Variants in SLC47A1 observed in about 807,000 individuals in gnomAD.
SLC47A1 encodes the protein solute carrier family 47 member 1, also known as multidrug and toxin extrusion protein 1.
SLC47A1 carries 58 observed loss-of-function variants against 65.8 expected under a neutral mutation model. The observed-to-expected ratio is 0.88, with a 90% CI of 0.71 to 1.10. The LOEUF (loss-of-function observed/expected upper bound fraction) is 1.10. Among genes scored for constraint, SLC47A1 ranks in the 50% least tolerant of loss-of-function variants. The pLI is 0.00. For synonymous variants in SLC47A1, 285 were observed against 295.0 expected, an observed-to-expected ratio of 0.97 and a Z score of 0.35; for missense variants, 706 against 719.2, an observed-to-expected ratio of 0.98 and a Z score of 0.21.
intron 6 of SLC47A1, among the ~76,000 whole-genome samples, chr17:19,555,008 T>A (rs1157387067): frequency 2.6e-5 from 4 of 152,138 alleles, no homozygotes; most frequent in Non-Finnish European, 5.9e-5. Flanking sequence ...CTCCGCACTT[T>A]ATACCTCAAA....
At chr17:19,550,325 T>A (rs117465814) in intron 5 of SLC47A1, among the ~76,000 whole-genome samples, 2,880 of 151,966 alleles carry the variant, frequency 0.019, 48 homozygotes, top group Non-Finnish European at 0.031. Flanking sequence ...TTGCTAATTT[T>A]TTTTTTCTAA....
chr17:19,551,967 T>C (rs1162559319), intron 6 of SLC47A1, among the ~76,000 whole-genome samples: 1 of 152,168 alleles, frequency 6.6e-6, no homozygotes, highest in Non-Finnish European at 1.5e-5. Context: ...TCCTCCTCTG[T>C]GATTAAACAG....
intron 3 of SLC47A1, among the ~76,000 whole-genome samples, 198 bp from the exon 4 acceptor site, chr17:19,547,787 A>T (rs186954897): frequency 2.3e-4 from 30 of 129,416 alleles, no homozygotes; most frequent in Non-Finnish European, 4.3e-4. Flanking sequence ...CAGTGGCGTG[A>T]TCTCGGCTCA....
rs796269949 is a variant in SLC47A1, at chr17:19,550,321, A to AT, written c.498+654dup. Among the ~76,000 whole-genome samples the AT allele has an allele frequency of 3.3e-4, 50 of 149,510 alleles. 1 individual carries two copies. In the South Asian group the frequency reaches 3.9e-3, roughly 12 times the overall value. On this transcript the variant is annotated intron_variant, in intron 5 of 16. Transcript: ENST00000270570. ...GTTTTGTAGAGACAGGGTCTTGCTA[A>AT]TTTTTTTTTTCTAAGATAGGGTGTC...
rs137991038 is a variant in SLC47A1, at chr17:19,553,603, G to A, written c.544-1609G>A. 4.3e-3 allele frequency among the ~76,000 whole-genome samples: 640 copies of A among 148,022 alleles called. 1 individual carries two copies. The highest frequency in any genetic ancestry group is 0.015 in the African/African-American group (611 of 40,034). ...GTTGCCCAGGCTAGAGTGCAGTGAC[G>A]TGACCTCGGCTCACTGCAACCTCCA... On this transcript the variant is annotated intron_variant, in intron 6 of 16. Transcript: ENST00000270570.
At chr17:19,544,766 C>G (rs536572195) in intron 2 of SLC47A1, among the ~76,000 whole-genome samples, 3 of 152,306 alleles carry the variant, frequency 2.0e-5, no homozygotes, top group African/African-American at 4.8e-5. Flanking sequence ...CCCTGATACC[C>G]GAAATTGGAG....
intron 1 of SLC47A1, 115 bp downstream of exon 1, chr17:19,534,189 G>A (rs1262167927): frequency 1.5e-6 from 2 of 1,309,620 alleles, no homozygotes; most frequent in East Asian, 6.1e-5. Flanking sequence ...GTCCGCCGGC[G>A]GGCTCCGGGG....
At chr17:19,575,002 G>A (rs964327219) in intron 16 of SLC47A1, among the ~76,000 whole-genome samples, 1 of 152,088 alleles carries the variant, frequency 6.6e-6, no homozygotes, top group African/African-American at 2.4e-5. Flanking sequence ...TGCCTGACCA[G>A]GGAAAGCATT....
At chr17:19,553,623 C>T (rs1047801370) in intron 6 of SLC47A1, among the ~76,000 whole-genome samples, 3 of 151,446 alleles carry the variant, frequency 2.0e-5, no homozygotes, top group Admixed American at 6.6e-5. Context: ...CTCACTGCAA[C>T]CTCCACCTCC....
At position 19,542,417 on chromosome 17, in the gene SLC47A1, CTG is replaced by C. The variant is rs1567965912; in HGVS notation, c.161_162del (p.Leu54HisfsTer43). On this transcript the variant is annotated frameshift_variant, in exon 2 of 17. Transcript: ENST00000270570. LOFTEE classifies it high-confidence loss of function. ...GTTCTTGGTTCAGCTGATGGTGTTC[CTG>C]ATCAGCTTCATAAGCTCCGTGTTCT... ...PAFLVQLMVF[L>X]ISFISSVFCG... 1 of 1,610,440 alleles carries C rather than the reference CTG, an allele frequency of 6.2e-7. No homozygotes were observed. Among genetic ancestry groups the C allele is most frequent in the South Asian group, 1.1e-5 (1 of 90,458 alleles).
intron 5 of SLC47A1, among the ~76,000 whole-genome samples, chr17:19,550,825 G>T (rs2152313764): frequency 6.6e-6 from 1 of 152,276 alleles, no homozygotes; most frequent in East Asian, 1.9e-4. Flanking sequence ...CCCTCTGCAG[G>T]TTGTCCCCTG....
intron 12 of SLC47A1, among the ~76,000 whole-genome samples, chr17:19,564,795 A>T (rs2084343590): frequency 6.6e-6 from 1 of 151,998 alleles, no homozygotes; most frequent in Non-Finnish European, 1.5e-5. Context: ...ATCTCGGCTC[A>T]TCGCAATCTC....
rs1199469781 is a variant in SLC47A1 at position 19,546,491 on chromosome 17, C to T, written c.294C>T (p.Thr98=). 3.7e-6 allele frequency: 6 copies of T among 1,613,460 alleles called. No individual in the cohort carries two copies. Among genetic ancestry groups the T allele is most frequent in the Non-Finnish European group, 1.7e-6 (2 of 1,179,894 alleles). The change falls in exon 3 of 17, where the codon ACC becomes ACT. Residue 98 remains threonine, a synonymous_variant. Coordinates refer to ENST00000270570, the MANE Select transcript of SLC47A1 (RefSeq NM_018242.3). ...VGFGLSSACD[T]LISQTYGSQN... is the part of the protein sequence containing the mutation. Reference sequence around the variant, plus strand: ...TCGGCTTATCTTCTGCCTGTGACACCCTCATCTCCCAGGTAAATGGAAGTG... The same window carrying T: ...TCGGCTTATCTTCTGCCTGTGACACTCTCATCTCCCAGGTAAATGGAAGTG...
At chr17:19,563,617 A>C (rs1217980190) in intron 12 of SLC47A1, among the ~76,000 whole-genome samples, 1 of 152,174 alleles carries the variant, frequency 6.6e-6, no homozygotes, top group Non-Finnish European at 1.5e-5. Context: ...AATCTGACAA[A>C]GTTTGCACAT....
intron 10 of SLC47A1, chr17:19,557,123 G>A (rs552277637): frequency 6.6e-6 from 1 of 152,418 alleles, no homozygotes; most frequent in African/African-American, 2.4e-5. Context: ...TTATAATGTG[G>A]GGAGAAACTC....
intron 10 of SLC47A1, 150 bp from the exon 11 acceptor site, chr17:19,560,038 G>A (rs961156492): frequency 5.3e-5 from 32 of 609,438 alleles, no homozygotes; most frequent in Admixed American, 6.1e-5. Flanking sequence ...GGGAGTTCCC[G>A]GCTAGACAAA....
intron 10 of SLC47A1, chr17:19,557,787 C>G (rs1916660719): frequency 2.7e-6 from 1 of 369,472 alleles, no homozygotes; most frequent in African/African-American, 2.1e-5. Context: ...CACTGGAGCT[C>G]ACGCTGGTTT....
chr17:19,548,081 C>A lies in SLC47A1; in HGVS notation c.403C>A (p.Leu135Ile), dbSNP rs1444860939. The change falls in exon 4 of 17, where the codon CTC becomes ATC. Residue 135 changes from leucine to isoleucine, a missense_variant. By Grantham distance (5) the Leu-to-Ile change is conservative. Transcript: ENST00000270570. ...LCCFPCWALF[L>I]NTQHILLLFR... ...CTGCTTCCCCTGCTGGGCGCTCTTTCTCAACACCCAGCACATCCTGCTGCT... is the reference window on the plus strand; with the variant it reads ...CTGCTTCCCCTGCTGGGCGCTCTTTATCAACACCCAGCACATCCTGCTGCT... 1.2e-6 allele frequency: 2 copies of A among 1,613,976 alleles called. No individual in the cohort carries two copies. Among genetic ancestry groups the A allele is most frequent in the African/African-American group, 1.3e-5 (1 of 74,934 alleles).
chr17:19,561,515 C>T (rs911354635), intron 12 of SLC47A1, among the ~76,000 whole-genome samples: 12 of 151,708 alleles, frequency 7.9e-5, no homozygotes, highest in African/African-American at 1.5e-4. Flanking sequence ...TGGTGGCGGG[C>T]GCCTGTAGTC....
Sources: gnomAD v4.1 joint callset for allele counts (sites outside exome capture counted in the v4.1 genomes callset) on GRCh38, gnomAD v4.1.1 for gene constraint, MANE v1.5 for transcripts, NCBI Gene and HGNC (gene_info 2026-07-23, HGNC 2026-07-21) for gene names.